UNC13A: variants seen among roughly 807,000 people sequenced by gnomAD.
UNC13A encodes the protein unc-13 homolog A, also known as protein unc-13 homolog A.
Under a neutral mutation model 219.7 loss-of-function variants are expected in UNC13A, and 61 were observed. The observed-to-expected ratio is 0.28, with a 90% CI of 0.23 to 0.34. The LOEUF is 0.34. UNC13A is among the 10% of genes least tolerant of loss of function. The pLI is 1.00. For synonymous variants in UNC13A, 920 were observed against 884.6 expected (o/e 1.04, Z -0.71); for missense variants, 1,476 against 2,270.3 (o/e 0.65, Z 7.11).
At chr19:17,647,117 A>G (rs984335126) in intron 17 of UNC13A, 148 bp downstream of exon 17, 1 of 733,530 alleles carries the variant, frequency 1.4e-6, no homozygotes, top group Admixed American at 2.5e-5. Flanking sequence ...GTCCCCCCAT[A>G]TGCGTGCACA....
chr19:17,606,439 C>A, intron 43 of UNC13A, 85 bp from the exon 44 acceptor site: 1 of 1,487,022 alleles, frequency 6.7e-7, no homozygotes, highest in Non-Finnish European at 8.9e-7. Context: ...CATTTGCGGG[C>A]CACGCCCACA....
In UNC13A at chr19:17,601,533, C is replaced by G. The variant is rs1330675936; in HGVS notation, c.*4521G>C. 1.3e-5 allele frequency: 2 copies of G among 152,446 alleles called. No individual in the cohort carries two copies. The highest frequency in any genetic ancestry group is 1.5e-5 in the Non-Finnish European group (1 of 68,018). 9.4% of individuals were successfully genotyped at this position (152,446 alleles called of 1,614,324 possible). A position where few individuals can be genotyped will look rare whatever the true frequency, so the allele number is the denominator to read the frequency against. On this transcript the variant is annotated 3_prime_UTR_variant, in exon 44 of 44. Transcript: ENST00000519716. ...AGACACTGGACCGACGGGGTAGAAT[C>G]AAAACAAAACAAAAAACAAACAACG... is the stretch of plus-strand genomic sequence containing the variant.
In UNC13A at chr19:17,639,263, G is replaced by A. The variant is rs112901493; in HGVS notation, c.2947-46C>T. 2,731 of 1,611,196 alleles carry A rather than the reference G, an allele frequency of 1.7e-3. 33 individuals carry two copies. The African/African-American group carries it at 0.031, about 18-fold the overall frequency. ...ATAGGCGGCCACAGCTGTGACAGGA[G>A]GTCCCCAGGAAGTGACTGCGAGTCA... On this transcript the variant is annotated intron_variant, in intron 24 of 43. Coordinates refer to ENST00000519716, the MANE Select transcript of UNC13A (RefSeq NM_001080421.3).
chr19:17,604,755 C>G lies in UNC13A; in HGVS notation c.*1299G>C, dbSNP rs1474561773. The G allele has an allele frequency of 1.3e-5, 2 of 152,298 alleles. No homozygotes were observed. Among genetic ancestry groups the G allele is most frequent in the African/African-American group, 4.8e-5 (2 of 41,462 alleles). The allele number at this position is 152,298 out of a possible 1,614,324, so 9.4% of individuals were successfully genotyped here. ...GTAACTTTGCTCATTGGAGAAAGAGCTTCCAGCTGGCAAGAGGGCCATCTG... is the reference window on the plus strand; with the variant it reads ...GTAACTTTGCTCATTGGAGAAAGAGGTTCCAGCTGGCAAGAGGGCCATCTG... On this transcript the variant is annotated 3_prime_UTR_variant, in exon 44 of 44. Coordinates refer to ENST00000519716, the MANE Select transcript of UNC13A (RefSeq NM_001080421.3).
intron 41 of UNC13A, among the ~76,000 whole-genome samples, chr19:17,613,535 C>A (rs757928992): frequency 5.9e-5 from 9 of 152,026 alleles, no homozygotes; most frequent in Admixed American, 2.6e-4. Flanking sequence ...ACTATTACCT[C>A]TCCCCACTCA....
At position 17,649,973 on chromosome 19, in the gene UNC13A, C is replaced by A. The variant is rs995330705; in HGVS notation, c.1440-386G>T. On this transcript the variant is annotated intron_variant, in intron 12 of 43. Transcript: ENST00000519716. The surrounding 1 kb of genome is among the most constrained non-coding windows in gnomAD (Gnocchi z 4.4). ...AGCTAGAAGAGGCAGGGGAGGAATT[C>A]TCTTCTACAGATTTCAGAGGGAGCA... Among the ~76,000 whole-genome samples, 1 of 152,172 alleles carries A rather than the reference C, an allele frequency of 6.6e-6. No homozygotes were observed. Among genetic ancestry groups the A allele is most frequent in the African/African-American group, 2.4e-5 (1 of 41,440 alleles).
In UNC13A at chr19:17,626,675, G is replaced by A. The variant is rs1405098055; in HGVS notation, c.4031C>T (p.Ala1344Val). The A allele has an allele frequency of 1.9e-6, 3 of 1,578,912 alleles. No individual in the cohort carries two copies. The highest frequency in any genetic ancestry group is 1.3e-5 in the African/African-American group (1 of 74,386). Residue 1344 changes from alanine to valine, a missense_variant, in exon 34 of 44, where the codon GCG becomes GTG. By Grantham distance (64) the Ala-to-Val change is moderately conservative. Transcript: ENST00000519716. ...CATGATGGGCTGCAACACATTGTCCGCGTCCTGGGCCACGCTGCTGCAGGC... is the reference window on the plus strand; with the variant it reads ...CATGATGGGCTGCAACACATTGTCCACGTCCTGGGCCACGCTGCTGCAGGC... ...ASACSSVAQD[A>V]DNVLQPIMDL... is the part of the protein sequence containing the mutation.
At chr19:17,635,991 C>A in intron 26 of UNC13A, 33 bp downstream of exon 26, 2 of 1,586,510 alleles carry the variant, frequency 1.3e-6, no homozygotes, top group Non-Finnish European at 1.7e-6. Context: ...ACGATGACAC[C>A]CAGATAATTA....
At chr19:17,661,731 A>G (rs921830001) in intron 8 of UNC13A, among the ~76,000 whole-genome samples, 2 of 151,962 alleles carry the variant, frequency 1.3e-5, no homozygotes, top group African/African-American at 4.8e-5. Context: ...GAAAGAATAG[A>G]GGACTGGATT....
At chr19:17,639,935 T>G (rs1471872108) in intron 22 of UNC13A, 27 bp from the exon 23 acceptor site, 2 of 1,612,772 alleles carry the variant, frequency 1.2e-6, no homozygotes, top group Admixed American at 3.3e-5. Flanking sequence ...GGAGGGAGGA[T>G]GGATGGAGGC....
chr19:17,679,151 C>T (rs948163813), intron 1 of UNC13A, among the ~76,000 whole-genome samples: 5 of 151,962 alleles, frequency 3.3e-5, no homozygotes, highest in African/African-American at 1.2e-4. Flanking sequence ...TCTGTAATCC[C>T]AGCACTTTGA....
intron 8 of UNC13A, among the ~76,000 whole-genome samples, chr19:17,661,013 A>G (rs2079541532): frequency 6.6e-6 from 1 of 151,822 alleles, no homozygotes; most frequent in Non-Finnish European, 1.5e-5. Context: ...ATCATGGCTC[A>G]CTGCAGTCCC....
Position 17,609,050 on chromosome 19 carries a change from C to T in UNC13A, c.4811+890G>A, listed in dbSNP as rs535825849. 2.6e-4 allele frequency among the ~76,000 whole-genome samples: 39 copies of T among 151,346 alleles called. No homozygotes were observed. The Middle Eastern group carries it at 0.01, about 40-fold the overall frequency. On this transcript the variant is annotated intron_variant, in intron 43 of 43. Coordinates refer to ENST00000519716, the MANE Select transcript of UNC13A (RefSeq NM_001080421.3). ...TTGGCTCACTGCACCCTCCGCCTCCCGGACTCAAGCGATTCTTCTGCCTCA... is the reference window on the plus strand; with the variant it reads ...TTGGCTCACTGCACCCTCCGCCTCCTGGACTCAAGCGATTCTTCTGCCTCA...
Position 17,656,345 on chromosome 19 carries a change from G to C in UNC13A, c.821C>G (p.Ser274Cys), listed in dbSNP as rs1555782710. Residue 274 changes from serine (S) to cysteine (C), a missense_variant, in exon 10 of 44, where the codon TCT (serine) becomes TGT (cysteine). Physicochemically the swap from Ser to Cys is moderately radical, Grantham distance 112. This residue lies in a region of UNC13A where 351 missense variants were observed against 342.6 expected (regional missense o/e 1.02). Transcript: ENST00000519716. ...AGGGTCGAAGTCCTCGCTCAGCTGA[G>C]AGCTTCCCTGGCTCAGCTCCCCGGA... ...ASSGELSQGS[S>C]QLSEDFDPDE... is the part of the protein sequence containing the mutation. 6.4e-7 allele frequency: 1 copy of C among 1,558,382 alleles called. No homozygotes were observed. Among genetic ancestry groups the C allele is most frequent in the Non-Finnish European group, 8.7e-7 (1 of 1,152,126 alleles).
At chr19:17,684,566 T>C (rs1338671813) in intron 1 of UNC13A, among the ~76,000 whole-genome samples, 1 of 152,170 alleles carries the variant, frequency 6.6e-6, no homozygotes, top group African/African-American at 2.4e-5. Context: ...GATTACGATG[T>C]TGGGAAGCAG....
At chr19:17,651,748 C>T (rs775130457) in intron 12 of UNC13A, among the ~76,000 whole-genome samples, 3 of 152,154 alleles carry the variant, frequency 2.0e-5, no homozygotes, top group Non-Finnish European at 2.9e-5. Context: ...TTTCAGGACC[C>T]GCATCCAAGG....
intron 8 of UNC13A, among the ~76,000 whole-genome samples, chr19:17,659,922 C>T (rs1010499333): frequency 6.6e-6 from 1 of 152,180 alleles, no homozygotes; most frequent in African/African-American, 2.4e-5. Context: ...TTCATTTAGA[C>T]AGGGTCTCTC....
rs546321226 is a variant in UNC13A, at chr19:17,650,483, A to C, written c.1440-896T>G. On this transcript the variant is annotated intron_variant, in intron 12 of 43. Transcript: ENST00000519716. ...AGTCGAGATCACGCCACTGCAATCC[A>C]GCCTGGGTGACAGAGCGAGACTCTG... Among the ~76,000 whole-genome samples, 44 of 152,304 alleles carry C rather than the reference A, an allele frequency of 2.9e-4. 1 individual carries two copies. In the South Asian group the frequency reaches 7.9e-3, roughly 27 times the overall value.
At chr19:17,665,796 C>T (rs1168717420) in intron 7 of UNC13A, among the ~76,000 whole-genome samples, 1 of 152,220 alleles carries the variant, frequency 6.6e-6, no homozygotes, top group Non-Finnish European at 1.5e-5. Flanking sequence ...TATACGCCCT[C>T]ATCCAGGATC....
Sources: allele counts gnomAD v4.1 joint callset (sites outside exome capture counted in the v4.1 genomes callset), GRCh38; gene constraint gnomAD v4.1.1; regional missense constraint gnomAD v4.1.1; non-coding constraint Gnocchi (gnomAD v3.1); transcripts MANE v1.5; gene names NCBI Gene and HGNC (gene_info 2026-07-23, HGNC 2026-07-21).